Variants in OTOF observed in about 807,000 individuals in gnomAD.
The protein encoded by OTOF is otoferlin, also known as fer-1-like family member 2.
OTOF carries 218 observed loss-of-function variants against 236.8 expected under a neutral mutation model. The ratio of observed to expected loss-of-function variants is 0.92; its 90% CI spans 0.82 to 1.03. The LOEUF is 1.03. OTOF is among the 50% of genes least tolerant of loss of function. The probability of loss-of-function intolerance (pLI) is 0.00; values close to 1 mark genes in which losing one functional copy is unlikely to be tolerated. For synonymous variants in OTOF, 1,041 were observed against 1,072.5 expected, an observed-to-expected ratio of 0.97 and a Z score of 0.57; for missense variants, 2,590 against 2,694.4, an observed-to-expected ratio of 0.96 and a Z score of 0.86.
At chr2:26,478,344 A>G (rs1405191233) in intron 18 of OTOF, among the ~76,000 whole-genome samples, 3 of 152,238 alleles carry the variant, frequency 2.0e-5, no homozygotes, top group African/African-American at 7.2e-5. Context: ...GACAGGGATG[A>G]CAAGGAGGAC....
At chr2:26,480,448 C>G in intron 15 of OTOF, 137 bp from the exon 16 acceptor site, 3 of 712,572 alleles carry the variant, frequency 4.2e-6, no homozygotes, top group Admixed American at 2.0e-5. Context: ...GCCAGGCAGC[C>G]CACACCCCAA....
chr2:26,489,159 C>T (rs1437623085), intron 11 of OTOF, 52 bp downstream of exon 11: 48 of 1,327,746 alleles, frequency 3.6e-5, no homozygotes, highest in East Asian at 4.9e-5. Context: ...CCGTGCACCA[C>T]GCTCCCTGAG....
intron 5 of OTOF, among the ~76,000 whole-genome samples, chr2:26,512,461 C>T (rs1404415147): frequency 6.6e-6 from 1 of 152,238 alleles, no homozygotes; most frequent in African/African-American, 2.4e-5. Context: ...GCCGAAGTCA[C>T]TTTCTCTCCA....
chr2:26,461,064 A>T lies in OTOF; in HGVS notation c.5534-34T>A. The T allele has an allele frequency of 7.9e-6, 2 of 254,604 alleles. No homozygotes were observed. Among genetic ancestry groups the T allele is most frequent in the Non-Finnish European group, 1.5e-5 (2 of 136,610 alleles). 15.8% of individuals were successfully genotyped at this position (254,604 alleles called of 1,614,324 possible). On this transcript the variant is annotated intron_variant, in intron 43 of 46. Transcript: ENST00000272371. The surrounding 1 kb of genome is among the most constrained non-coding windows in gnomAD (Gnocchi z 6.2). The stretch of plus-strand genomic sequence containing the variant: ...ACCTCAGTGTCAGCTCAGAGTGAAC[A>T]GGGCTGGGGTGGGGCGGGGTGGGGG...
chr2:26,496,709 A>C (rs1262875805), intron 8 of OTOF, among the ~76,000 whole-genome samples: 1 of 152,098 alleles, frequency 6.6e-6, no homozygotes, highest in Non-Finnish European at 1.5e-5. Context: ...CAGGGTGGCC[A>C]TGTTAAGATA....
Position 26,484,463 on chromosome 2 carries a change from C to A in OTOF, c.1205+11G>T, listed in dbSNP as rs772945809. On this transcript the variant is annotated intron_variant, in intron 12 of 46. Coordinates refer to ENST00000272371, the MANE Select transcript of OTOF (RefSeq NM_194248.3). ...GCTCAGACTCCAGGGGCTGGGGTAG[C>A]TGGGCCTCACCCCTCAATGTCATCT... 3.7e-6 allele frequency: 6 copies of A among 1,613,856 alleles called. No homozygotes were observed. The highest frequency in any genetic ancestry group is 5.1e-6 in the Non-Finnish European group (6 of 1,179,966).
chr2:26,529,606 A>T (rs573160560), intron 2 of OTOF, among the ~76,000 whole-genome samples: 1 of 152,254 alleles, frequency 6.6e-6, no homozygotes, highest in African/African-American at 2.4e-5. Context: ...CAAAGCTGAG[A>T]TTCCTTCTCC....
intron 2 of OTOF, among the ~76,000 whole-genome samples, chr2:26,535,950 TC>T (rs1272062726): frequency 2.0e-5 from 3 of 152,220 alleles, no homozygotes; most frequent in Non-Finnish European, 2.9e-5. Flanking sequence ...GGAAGGGGCA[TC>T]AGGTTGCCCC....
In OTOF at chr2:26,464,925, C is replaced by T. The variant is rs989302221; in HGVS notation, c.4904G>A (p.Arg1635Lys). 3 of 1,590,332 alleles carry T rather than the reference C, an allele frequency of 1.9e-6. No individual in the cohort carries two copies. The highest frequency in any genetic ancestry group is 2.6e-6 in the Non-Finnish European group (3 of 1,167,768). ...GAAGACGCGGTTGGCCACCTTCACT[C>T]TCCCAGGGGGCCCAAAGTGGGGGCC... Reference protein sequence around the residue: ...VDGPHFGPPGRVKVANRVFTG... With the variant: ...VDGPHFGPPGKVKVANRVFTG... Residue 1635 changes from arginine (R) to lysine (K), a missense_variant, in exon 39 of 47, where the codon AGA (arginine) becomes AAA (lysine). By Grantham distance (26) the Arg-to-Lys change is conservative. Around this residue, in one of 2 missense-constraint regions of OTOF, gnomAD observed 1,211 missense variants for 1,352.8 expected, o/e 0.90. Coordinates refer to ENST00000272371, the MANE Select transcript of OTOF (RefSeq NM_194248.3).
At chr2:26,476,420 C>T in intron 22 of OTOF, 103 bp from the exon 23 acceptor site, 1 of 1,089,004 alleles carries the variant, frequency 9.2e-7, no homozygotes, top group Non-Finnish European at 1.4e-6. Context: ...GCTGCCCTGC[C>T]CCTTCACAGC....
At chr2:26,537,647 A>G (rs138144019) in intron 2 of OTOF, 69 bp downstream of exon 2, 3 of 1,202,898 alleles carry the variant, frequency 2.5e-6, no homozygotes, top group Non-Finnish European at 3.6e-6. Flanking sequence ...TGCCCGCAAG[A>G]GGCAGCGAAG....
At chr2:26,505,278 T>C (rs1340941262) in intron 5 of OTOF, among the ~76,000 whole-genome samples, 3 of 152,202 alleles carry the variant, frequency 2.0e-5, no homozygotes, top group African/African-American at 7.2e-5. Context: ...GGCTGATGTG[T>C]CTGCACTCTT....
chr2:26,554,450 G>T (rs547711604), intron 1 of OTOF, among the ~76,000 whole-genome samples: 1 of 152,028 alleles, frequency 6.6e-6, no homozygotes, highest in Non-Finnish European at 1.5e-5. Context: ...TCCTGAAGAT[G>T]CTCAAAAGCT....
intron 2 of OTOF, among the ~76,000 whole-genome samples, chr2:26,534,319 C>T (rs904868876): frequency 2.6e-5 from 4 of 152,172 alleles, no homozygotes; most frequent in African/African-American, 7.2e-5. Context: ...TAGAGCCAAA[C>T]CAAACTGGCT....
In OTOF at chr2:26,477,232, C is replaced by T. The variant is rs747748895; in HGVS notation, c.2463G>A (p.Val821=). ...MLRAQVKRHT[V]RDKLRLCQNF... The stretch of plus-strand genomic sequence containing the variant: ...TCTGGCACAGCCTCAGCTTGTCCCG[C>T]ACCGTGTGCCGCTTCACCTGGGCCC... Residue 821 remains valine (V), a synonymous_variant, in exon 21 of 47, where the codon GTG becomes GTA. Coordinates refer to ENST00000272371, the MANE Select transcript of OTOF (RefSeq NM_194248.3). The surrounding 1 kb of genome is among the most constrained non-coding windows in gnomAD (Gnocchi z 4.7). 6.2e-7 allele frequency: 1 copy of T among 1,609,848 alleles called. No individual in the cohort carries two copies. Among genetic ancestry groups the T allele is most frequent in the East Asian group, 2.2e-5 (1 of 44,842 alleles).
intron 46 of OTOF, 114 bp from the exon 47 acceptor site, chr2:26,458,334 A>C: frequency 1.8e-6 from 2 of 1,083,814 alleles, no homozygotes; most frequent in Non-Finnish European, 2.8e-6. Context: ...CCAGCCCCAA[A>C]AGCAGTGAAT....
chr2:26,474,442 G>A, intron 26 of OTOF, 71 bp downstream of exon 26: 1 of 742,698 alleles, frequency 1.3e-6, no homozygotes, highest in Non-Finnish European at 1.9e-6. Flanking sequence ...TCAGGGTCCA[G>A]CCCCCAGCCC....
chr2:26,556,231 GT>G (rs1297103864), intron 1 of OTOF, among the ~76,000 whole-genome samples: 1 of 152,192 alleles, frequency 6.6e-6, no homozygotes, highest in African/African-American at 2.4e-5. Context: ...CCAGTTTCTT[GT>G]TTCCCCCTGC....
intron 5 of OTOF, among the ~76,000 whole-genome samples, chr2:26,509,415 G>T (rs565150306): frequency 1.1e-4 from 17 of 152,258 alleles, no homozygotes; most frequent in African/African-American, 2.2e-4. Context: ...TCTCTGGGCT[G>T]GAGCTCTTCC....
Sources: allele counts gnomAD v4.1 joint callset (sites outside exome capture counted in the v4.1 genomes callset), GRCh38; gene constraint gnomAD v4.1.1; regional missense constraint gnomAD v4.1.1; non-coding constraint Gnocchi (gnomAD v3.1); transcripts MANE v1.5; gene names NCBI Gene and HGNC (gene_info 2026-07-23, HGNC 2026-07-21).